Variants in CPED1 observed in about 807,000 individuals in gnomAD.
CPED1 encodes cadherin-like and PC-esterase domain-containing protein 1.
A neutral mutation model predicts 128.2 loss-of-function variants in CPED1; 114 were observed. The observed-to-expected ratio is 0.89, with a 90% confidence interval of 0.76 to 1.04. CPED1 has a LOEUF of 1.04. Among genes scored for constraint, CPED1 ranks in the 50% least tolerant of loss-of-function variants. The probability of loss-of-function intolerance (pLI) is 0.00; values close to 1 mark genes in which losing one functional copy is unlikely to be tolerated. For missense variants in CPED1, 1,211 were observed against 1,207.1 expected (o/e 1.00, Z -0.05); for synonymous variants, 462 against 426.7 (o/e 1.08, Z -1.02).
chr7:121,080,870 C>G (rs966399089), intron 5 of CPED1, among the ~76,000 whole-genome samples: 3 of 152,062 alleles, frequency 2.0e-5, no homozygotes, highest in Non-Finnish European at 4.4e-5. Flanking sequence ...AAGAAACTTA[C>G]AAGTGTTATA....
At position 121,140,996 on chromosome 7, in the gene CPED1, C is replaced by T. The variant is rs1394398171; in HGVS notation, c.1869C>T (p.Tyr623=). 6.2e-6 allele frequency: 10 copies of T among 1,610,090 alleles called. No homozygotes were observed. The highest frequency in any genetic ancestry group is 5.4e-5 in the African/African-American group (4 of 74,672). ...TPKCLCKVHL[Y]EQAGPSFASY... ...AGTGTCTGTGCAAGGTGCACCTGTACGAGCAGGCAGGGCCAAGGTATGAGA... is the reference window on the plus strand; with the variant it reads ...AGTGTCTGTGCAAGGTGCACCTGTATGAGCAGGCAGGGCCAAGGTATGAGA... Residue 623 remains tyrosine, a synonymous_variant, in exon 15 of 23, where the codon TAC becomes TAT. Coordinates refer to ENST00000310396, the MANE Select transcript of CPED1 (RefSeq NM_024913.5).
chr7:121,244,761 A>C (rs908238208), intron 18 of CPED1, among the ~76,000 whole-genome samples: 2 of 152,120 alleles, frequency 1.3e-5, no homozygotes, highest in African/African-American at 4.8e-5. Flanking sequence ...TGCATGTGAG[A>C]CTCACTTCTA....
chr7:121,152,052 T>A (rs532554215), intron 16 of CPED1, among the ~76,000 whole-genome samples: 1 of 152,302 alleles, frequency 6.6e-6, no homozygotes, highest in South Asian at 2.1e-4. Context: ...TGCTAATTTG[T>A]CCTTTTTTTC....
chr7:121,202,711 A>C (rs1468520832), intron 16 of CPED1, among the ~76,000 whole-genome samples: 1 of 152,106 alleles, frequency 6.6e-6, no homozygotes, highest in Non-Finnish European at 1.5e-5. Flanking sequence ...TGCCATCCCT[A>C]ACACAGCACC....
At chr7:121,240,697 C>A (rs1379377166) in intron 17 of CPED1, among the ~76,000 whole-genome samples, 1 of 142,946 alleles carries the variant, frequency 7.0e-6, no homozygotes, top group Admixed American at 7.3e-5. Context: ...TCTGGGCCTG[C>A]CCTGTCATTA....
chr7:121,283,629 T>TGTAA (rs1353707740), intron 22 of CPED1, among the ~76,000 whole-genome samples: 2 of 152,186 alleles, frequency 1.3e-5, no homozygotes, highest in African/African-American at 4.8e-5. Context: ...TGTAACTCTG[T>TGTAA]GTAAGTATGA....
intron 22 of CPED1, 146 bp downstream of exon 22, chr7:121,271,576 A>G (rs1221094913): frequency 3.7e-6 from 3 of 802,770 alleles, no homozygotes; most frequent in Non-Finnish European, 5.9e-6. Flanking sequence ...ATCATCATTC[A>G]GCCAAGGCAT....
intron 15 of CPED1, among the ~76,000 whole-genome samples, chr7:121,141,644 AG>A (rs1380729453): frequency 6.6e-6 from 1 of 152,034 alleles, no homozygotes; most frequent in East Asian, 1.9e-4. Context: ...TACCAGTTCT[AG>A]GTCATGGTCT....
At chr7:121,274,278 C>T (rs968731405) in intron 22 of CPED1, among the ~76,000 whole-genome samples, 1 of 152,226 alleles carries the variant, frequency 6.6e-6, no homozygotes, top group Non-Finnish European at 1.5e-5. Context: ...TTTGAACCAT[C>T]AGCACTAGAA....
intron 13 of CPED1, 82 bp from the exon 14 acceptor site, chr7:121,135,958 A>G: frequency 9.4e-7 from 1 of 1,068,122 alleles, no homozygotes; most frequent in Non-Finnish European, 1.3e-6. Context: ...ATGTTTTATT[A>G]AGTTATCTAA....
rs199832560 is a variant in CPED1 at position 121,140,940 on chromosome 7, G to C, written c.1813G>C (p.Val605Leu). The C allele has an allele frequency of 1.2e-5, 19 of 1,612,476 alleles. No homozygotes were observed. The highest frequency in any genetic ancestry group is 1.6e-5 in the Non-Finnish European group (19 of 1,179,184). ...TTACTGTGAAGTCCCATTTGATGTG[G>C]TAACAGTGACAATTGGAGTGGAAAC... ...DYYCEVPFDV[V>L]TVTIGVETPK... Residue 605 changes from valine to leucine, a missense_variant, in exon 15 of 23, where the codon GTA becomes CTA. By Grantham distance (32) the Val-to-Leu change is conservative. Transcript: ENST00000310396.
intron 5 of CPED1, among the ~76,000 whole-genome samples, chr7:121,075,604 A>G (rs1460509059): frequency 6.6e-6 from 1 of 152,120 alleles, no homozygotes; most frequent in Non-Finnish European, 1.5e-5. Flanking sequence ...CTGGGATTAC[A>G]GGCATGTGCT....
chr7:121,254,628 C>A (rs1798762780), intron 18 of CPED1, among the ~76,000 whole-genome samples: 1 of 151,756 alleles, frequency 6.6e-6, no homozygotes, highest in African/African-American at 2.4e-5. Flanking sequence ...GAAGTCGGTT[C>A]TTCAAAAAGA....
At chr7:121,218,897 GCCTATTA>G (rs1475253992) in intron 16 of CPED1, among the ~76,000 whole-genome samples, 2 of 152,004 alleles carry the variant, frequency 1.3e-5, no homozygotes, top group Admixed American at 1.3e-4. Flanking sequence ...AATCTCTGCA[GCCTATTA>G]CCTATTTCCA....
At chr7:121,141,360 G>A (rs932307655) in intron 15 of CPED1, among the ~76,000 whole-genome samples, 9 of 151,972 alleles carry the variant, frequency 5.9e-5, no homozygotes, top group African/African-American at 2.2e-4. Flanking sequence ...ACAATTTGTG[G>A]ACACAGTACC....
At chr7:121,085,694 C>T (rs901238152) in intron 5 of CPED1, among the ~76,000 whole-genome samples, 1 of 152,176 alleles carries the variant, frequency 6.6e-6, no homozygotes, top group Non-Finnish European at 1.5e-5. Flanking sequence ...ACACAGTGGA[C>T]TCCTTATTGA....
intron 16 of CPED1, among the ~76,000 whole-genome samples, chr7:121,223,771 G>A (rs1302338786): frequency 6.6e-6 from 1 of 151,970 alleles, no homozygotes; most frequent in East Asian, 1.9e-4. Flanking sequence ...ATTCTCTGAT[G>A]GTAGTCTGTG....
At chr7:121,051,009 G>A (rs1793337935) in intron 4 of CPED1, 1 of 536,156 alleles carries the variant, frequency 1.9e-6, no homozygotes, top group Non-Finnish European at 3.8e-6. Flanking sequence ...TGGAAGCGAA[G>A]CTGAAAAAGG....
At chr7:121,005,357 C>G (rs1167055169) in intron 2 of CPED1, among the ~76,000 whole-genome samples, 2 of 152,134 alleles carry the variant, frequency 1.3e-5, no homozygotes, top group African/African-American at 2.4e-5. Context: ...GGTTCCAAGT[C>G]TTTGCTATTG....
Sources: gnomAD v4.1 joint callset for allele counts (sites outside exome capture counted in the v4.1 genomes callset) on GRCh38, gnomAD v4.1.1 for gene constraint, MANE v1.5 for transcripts, NCBI Gene and HGNC (gene_info 2026-07-23, HGNC 2026-07-21) for gene names.